Variants in ARFGAP3 observed in about 807,000 individuals in gnomAD.
The protein encoded by ARFGAP3 is ARF GTPase activating protein 3, also known as ADP-ribosylation factor GTPase-activating protein 3.
ARFGAP3 carries 72 observed loss-of-function variants against 75.0 expected under a neutral mutation model. The ratio of observed to expected loss-of-function variants is 0.96; its 90% CI spans 0.79 to 1.17. The LOEUF is 1.17. Ranked by LOEUF, ARFGAP3 falls within the 50% of genes most tolerant of loss-of-function variation. The pLI is 0.00. For missense variants in ARFGAP3, 620 were observed against 626.6 expected (o/e 0.99, Z 0.11); for synonymous variants, 221 against 217.9 (o/e 1.01, Z -0.13).
chr22:42,805,525 G>T (rs989480989), intron 14 of ARFGAP3, among the ~76,000 whole-genome samples: 43 of 152,226 alleles, frequency 2.8e-4, no homozygotes, highest in Non-Finnish European at 5.6e-4. Flanking sequence ...GCCAGGGGTG[G>T]TCACAAAAGG....
At chr22:42,817,705 C>T in intron 10 of ARFGAP3, 24 bp downstream of exon 10, 1 of 1,562,688 alleles carries the variant, frequency 6.4e-7, no homozygotes. Context: ...TAAATTCTAA[C>T]TCCAAGAAAG....
At chr22:42,849,592 C>G (rs1927182075) in intron 1 of ARFGAP3, among the ~76,000 whole-genome samples, 1 of 138,392 alleles carries the variant, frequency 7.2e-6, no homozygotes, top group South Asian at 2.2e-4. Context: ...GAGACAAGGT[C>G]TGGCTCTGTC....
intron 7 of ARFGAP3, among the ~76,000 whole-genome samples, chr22:42,824,151 C>T (rs1050495814): frequency 4.2e-5 from 6 of 143,280 alleles, no homozygotes; most frequent in South Asian, 2.2e-4. Flanking sequence ...ATCACAGGTG[C>T]GCACCACCAC....
chr22:42,800,604 G>A (rs1464578084), intron 14 of ARFGAP3, among the ~76,000 whole-genome samples: 1 of 152,180 alleles, frequency 6.6e-6, no homozygotes, highest in African/African-American at 2.4e-5. Flanking sequence ...ACCCTGCAAC[G>A]TGTCCCTTGG....
intron 8 of ARFGAP3, 127 bp from the exon 9 acceptor site, chr22:42,822,536 T>A: frequency 2.6e-6 from 3 of 1,171,840 alleles, no homozygotes; most frequent in African/African-American, 1.5e-5. Context: ...TTCTGTGGCT[T>A]AGTCCTCAGA....
chr22:42,842,513 T>A (rs1926831665), intron 2 of ARFGAP3, among the ~76,000 whole-genome samples: 1 of 151,552 alleles, frequency 6.6e-6, no homozygotes, highest in South Asian at 2.1e-4. Flanking sequence ...AGTGAGGCGA[T>A]CTCAGCTCAT....
chr22:42,812,056 G>A (rs909293961), intron 11 of ARFGAP3, among the ~76,000 whole-genome samples: 3 of 151,640 alleles, frequency 2.0e-5, no homozygotes, highest in South Asian at 2.1e-4. Context: ...TAAAATAACC[G>A]TTTCCTGACC....
At chr22:42,814,889 C>T (rs1348853246) in intron 11 of ARFGAP3, among the ~76,000 whole-genome samples, 2 of 152,172 alleles carry the variant, frequency 1.3e-5, no homozygotes, top group Admixed American at 1.3e-4. Context: ...GCATGTCCAC[C>T]ATGCTAGGCT....
At chr22:42,802,120 G>C (rs1449502463) in intron 14 of ARFGAP3, among the ~76,000 whole-genome samples, 3 of 152,064 alleles carry the variant, frequency 2.0e-5, no homozygotes, top group African/African-American at 7.2e-5. Context: ...GGAAGAGTGA[G>C]GAGAGGGGTG....
At chr22:42,808,334 G>T (rs1438288870) in intron 13 of ARFGAP3, among the ~76,000 whole-genome samples, 1 of 151,176 alleles carries the variant, frequency 6.6e-6, no homozygotes, top group Admixed American at 6.6e-5. Flanking sequence ...GGAGGCGGAG[G>T]TTGCAGTAAG....
At chr22:42,827,843 G>A (rs936772286) in intron 6 of ARFGAP3, among the ~76,000 whole-genome samples, 7 of 151,998 alleles carry the variant, frequency 4.6e-5, no homozygotes, top group African/African-American at 9.7e-5. Context: ...CAGAACTTTC[G>A]GAGGCCAAGT....
chr22:42,807,728 A>G (rs1925189029), intron 13 of ARFGAP3, among the ~76,000 whole-genome samples: 1 of 152,148 alleles, frequency 6.6e-6, no homozygotes, highest in African/African-American at 2.4e-5. Context: ...GGAAAGACGT[A>G]AACCTCCCCA....
intron 5 of ARFGAP3, among the ~76,000 whole-genome samples, chr22:42,832,478 C>T (rs1926337520): frequency 6.7e-6 from 1 of 150,326 alleles, no homozygotes; most frequent in Non-Finnish European, 1.5e-5. Context: ...CTGCAGTGAG[C>T]CAAGATTGTG....
At chr22:42,841,723 C>T (rs947062414) in intron 2 of ARFGAP3, among the ~76,000 whole-genome samples, 2 of 152,148 alleles carry the variant, frequency 1.3e-5, no homozygotes. Context: ...GCTTGCCCTA[C>T]ACTAACTGTA....
chr22:42,851,077 T>C (rs1161956432), intron 1 of ARFGAP3, among the ~76,000 whole-genome samples: 3 of 152,194 alleles, frequency 2.0e-5, no homozygotes, highest in Non-Finnish European at 2.9e-5. Flanking sequence ...CTGTGTGTAA[T>C]TTCTCACCTA....
rs369926198 is a variant in ARFGAP3, at chr22:42,845,001, G to A, written c.188+2513C>T. 7.9e-5 allele frequency among the ~76,000 whole-genome samples: 12 copies of A among 152,222 alleles called. 1 individual carries two copies. Among genetic ancestry groups the A allele is most frequent in the African/African-American group, 2.6e-4 (11 of 41,524 alleles). On this transcript the variant is annotated intron_variant, in intron 2 of 15. Coordinates refer to ENST00000263245, the MANE Select transcript of ARFGAP3 (RefSeq NM_014570.5). Reference sequence around the variant, plus strand: ...TCTAGGTCACTCCTTCCCTCACGGAGGAACACATCATAAAACCACCCGATT... The same window carrying A: ...TCTAGGTCACTCCTTCCCTCACGGAAGAACACATCATAAAACCACCCGATT...
rs781254265 is a variant in ARFGAP3, at chr22:42,808,811, C to A, written c.1276G>T (p.Ala426Ser). ...CCAAAATACATATCTGATGAAATGGCCTTGACATTGCCAAACTTCTTCTGG... is the reference window on the plus strand; with the variant it reads ...CCAAAATACATATCTGATGAAATGGACTTGACATTGCCAAACTTCTTCTGG... ...EAQKKFGNVK[A>S]ISSDMYFGRQ... is the part of the protein sequence containing the mutation. The change falls in exon 13 of 16, where the codon GCC becomes TCC. Residue 426 changes from alanine (A) to serine (S), a missense_variant. Physicochemically the swap from Ala to Ser is moderately conservative, Grantham distance 99 (BLOSUM62 1). Coordinates refer to ENST00000263245, the MANE Select transcript of ARFGAP3 (RefSeq NM_014570.5). 14 of 1,613,648 alleles carry A rather than the reference C, an allele frequency of 8.7e-6. No individual in the cohort carries two copies. Among genetic ancestry groups the A allele is most frequent in the Non-Finnish European group, 1.1e-5 (13 of 1,179,820 alleles).
chr22:42,835,229 G>A, intron 4 of ARFGAP3, 133 bp downstream of exon 4: 1 of 1,000,968 alleles, frequency 1.0e-6, no homozygotes. Flanking sequence ...TACTTCAATA[G>A]TAAGAATCTA....
At position 42,831,652 on chromosome 22, in the gene ARFGAP3, A is replaced by G. The variant is rs765859872; in HGVS notation, c.478-16T>C. 2.5e-6 allele frequency: 4 copies of G among 1,613,768 alleles called. No individual in the cohort carries two copies. In the African/African-American group the frequency reaches 4.0e-5, roughly 16 times the overall value. On this transcript the variant is annotated splice_polypyrimidine_tract_variant and intron_variant, in intron 5 of 15. Transcript: ENST00000263245. Reference sequence around the variant, plus strand: ...TGTCACTCACCTGAAACAAGGCGAGAAAAGTCATTAGCAGACAAAGCAAGA... The same window carrying G: ...TGTCACTCACCTGAAACAAGGCGAGGAAAGTCATTAGCAGACAAAGCAAGA...
Sources: allele counts gnomAD v4.1 joint callset (sites outside exome capture counted in the v4.1 genomes callset), GRCh38; gene constraint gnomAD v4.1.1; transcripts MANE v1.5; gene names NCBI Gene and HGNC (gene_info 2026-07-23, HGNC 2026-07-21).